KIRREL3: variants seen among roughly 807,000 people sequenced by gnomAD.
KIRREL3 encodes the protein kin of IRRE-like protein 3.
In KIRREL3, 36 loss-of-function variants were observed where a neutral mutation model predicts 89.7. That is an observed-to-expected ratio of 0.40 (90% CI 0.31 to 0.53). The LOEUF (loss-of-function observed/expected upper bound fraction) is 0.53. Among genes scored for constraint, KIRREL3 ranks in the 20% least tolerant of loss-of-function variants. KIRREL3 has a pLI of 0.49. For synonymous variants in KIRREL3, 445 were observed against 441.4 expected (o/e 1.01, Z -0.10); for missense variants, 864 against 1,056.6 (o/e 0.82, Z 2.53).
chr11:126,451,909 C>T (rs1956190192), intron 7 of KIRREL3, among the ~76,000 whole-genome samples: 3 of 152,230 alleles, frequency 2.0e-5, no homozygotes, highest in African/African-American at 7.2e-5. Context: ...AGGCTTGTTG[C>T]CTCCAGAAGC....
At position 126,716,458 on chromosome 11, in the gene KIRREL3, T is replaced by A. The variant is rs1024585161; in HGVS notation, c.56-153546A>T. On this transcript the variant is annotated intron_variant, in intron 1 of 16. Transcript: ENST00000525144. ...CCACAGCGTTGAGGCTGTAGGGAGGTTAGGATTGGAGCTCAGGGGACAAAG... is the reference window on the plus strand; with the variant it reads ...CCACAGCGTTGAGGCTGTAGGGAGGATAGGATTGGAGCTCAGGGGACAAAG... Among the ~76,000 whole-genome samples, 6 of 151,862 alleles carry A rather than the reference T, an allele frequency of 4.0e-5. No homozygotes were observed. In the South Asian group the frequency reaches 1.3e-3, roughly 32 times the overall value.
intron 1 of KIRREL3, among the ~76,000 whole-genome samples, chr11:126,869,180 G>T (rs1347210449): frequency 1.5e-5 from 2 of 136,852 alleles, no homozygotes; most frequent in Admixed American, 7.9e-5. Context: ...TTTTCTCCTA[G>T]CAGGACATGG....
rs1461410429 is a variant in KIRREL3, at chr11:126,430,894, G to A, written c.1696+525C>T. 1 of 822,090 alleles carries A rather than the reference G, an allele frequency of 1.2e-6. No individual in the cohort carries two copies. The highest frequency in any genetic ancestry group is 1.1e-4 in the East Asian group (1 of 8,826). 50.9% of individuals were successfully genotyped at this position (822,090 alleles called of 1,614,324 possible). The stretch of plus-strand genomic sequence containing the variant: ...CTCCTCGGTGCACGCAATTCTTCAA[G>A]CGTGCACAAACACTAGAATTTTATT... On this transcript the variant is annotated intron_variant, in intron 14 of 16. Coordinates refer to ENST00000525144, the MANE Select transcript of KIRREL3 (RefSeq NM_032531.4). The surrounding 1 kb of genome is among the most constrained non-coding windows in gnomAD (Gnocchi z 6.6).
chr11:126,925,109 G>T (rs1043580385), intron 1 of KIRREL3, among the ~76,000 whole-genome samples: 3 of 143,870 alleles, frequency 2.1e-5, no homozygotes, highest in South Asian at 2.3e-4. Flanking sequence ...GGGGGGGGGG[G>T]GGGCTGTTGG....
At chr11:126,859,243 G>A (rs1382176167) in intron 1 of KIRREL3, among the ~76,000 whole-genome samples, 1 of 152,156 alleles carries the variant, frequency 6.6e-6, no homozygotes, top group Non-Finnish European at 1.5e-5. Flanking sequence ...GATAATGAAA[G>A]CAAATATGGA....
chr11:126,542,599 T>C (rs1157098181), intron 2 of KIRREL3, among the ~76,000 whole-genome samples: 1 of 152,236 alleles, frequency 6.6e-6, no homozygotes, highest in African/African-American at 2.4e-5. Context: ...CCTCTGGGAC[T>C]GGCCCAAAGC....
chr11:126,730,325 A>C (rs569023306), intron 1 of KIRREL3, among the ~76,000 whole-genome samples: 1 of 152,244 alleles, frequency 6.6e-6, no homozygotes, highest in East Asian at 1.9e-4. Context: ...CTGCACCATC[A>C]ACATCCCCTA....
intron 1 of KIRREL3, among the ~76,000 whole-genome samples, chr11:126,932,653 G>T (rs1222077900): frequency 1.3e-5 from 2 of 152,208 alleles, no homozygotes; most frequent in African/African-American, 4.8e-5. Context: ...ATGTGCTTCT[G>T]CTGTGAGTCC....
Position 126,432,911 on chromosome 11 carries a change from CTG to C in KIRREL3, c.1589-1387_1589-1386del, listed in dbSNP as rs1188597774. Among the ~76,000 whole-genome samples, 1 of 152,170 alleles carries C rather than the reference CTG, an allele frequency of 6.6e-6. No individual in the cohort carries two copies. Among genetic ancestry groups the C allele is most frequent in the Non-Finnish European group, 1.5e-5 (1 of 68,036 alleles). ...CTTTTATTTTTGGGATGGAGTCTGG[CTG>C]TGACACCCAGGCTGGAGGGCAGTGG... On this transcript the variant is annotated intron_variant, in intron 13 of 16. Transcript: ENST00000525144. This position sits in a 1 kb window ranked among gnomAD's most constrained non-coding sequence, Gnocchi z 6.2.
At position 126,906,648 on chromosome 11, in the gene KIRREL3, T is replaced by C. The variant is rs1198175162; in HGVS notation, c.55+93807A>G. Among the ~76,000 whole-genome samples, 1 of 152,158 alleles carries C rather than the reference T, an allele frequency of 6.6e-6. No individual in the cohort carries two copies. Among genetic ancestry groups the C allele is most frequent in the Non-Finnish European group, 1.5e-5 (1 of 68,028 alleles). On this transcript the variant is annotated intron_variant, in intron 1 of 16. Transcript: ENST00000525144. The surrounding 1 kb of genome is among the most constrained non-coding windows in gnomAD (Gnocchi z 4.1). ...TTTTTTAGCATGTATGGGAACATTA[T>C]ATTCACCAAAAATCAGGACTAGCAT...
rs925876204 is a variant in KIRREL3 at position 126,687,391 on chromosome 11, T to C, written c.56-124479A>G. Among the ~76,000 whole-genome samples the C allele has an allele frequency of 1.3e-5, 2 of 152,040 alleles. No individual in the cohort carries two copies. The highest frequency in any genetic ancestry group is 2.9e-5 in the Non-Finnish European group (2 of 68,030). On this transcript the variant is annotated intron_variant, in intron 1 of 16. Transcript: ENST00000525144. This position sits in a 1 kb window ranked among gnomAD's most constrained non-coding sequence, Gnocchi z 4.6. ...TTACCTAGCCCAGAGTTTTAAAAAATTTATATTTTTAACCTTGATACCCAA... is the reference window on the plus strand; with the variant it reads ...TTACCTAGCCCAGAGTTTTAAAAAACTTATATTTTTAACCTTGATACCCAA...
In KIRREL3 at chr11:126,755,178, GT is replaced by G. The variant is rs2134253214; in HGVS notation, c.56-192267del. ...AAATTAGTAGTAAGTCAATAAGTCT[GT>G]GGCCCAAAGGTAGGGCATTAAGTAA... On this transcript the variant is annotated intron_variant, in intron 1 of 16. Coordinates refer to ENST00000525144, the MANE Select transcript of KIRREL3 (RefSeq NM_032531.4). The surrounding 1 kb of genome is among the most constrained non-coding windows in gnomAD (Gnocchi z 4.3). 6.6e-6 allele frequency among the ~76,000 whole-genome samples: 1 copy of G among 152,320 alleles called. No homozygotes were observed. The highest frequency in any genetic ancestry group is 6.5e-5 in the Admixed American group (1 of 15,300).
chr11:126,560,429 G>A (rs1940032954), intron 2 of KIRREL3, among the ~76,000 whole-genome samples: 1 of 152,178 alleles, frequency 6.6e-6, no homozygotes, highest in South Asian at 2.1e-4. Flanking sequence ...TCTTTGAATA[G>A]CATTTTCTTT....
intron 1 of KIRREL3, among the ~76,000 whole-genome samples, chr11:126,884,751 G>C (rs1406781838): frequency 6.6e-6 from 1 of 151,878 alleles, no homozygotes; most frequent in East Asian, 1.9e-4. Flanking sequence ...CCAAGATTGT[G>C]GAAGTTCTCA....
rs1032957452 is a variant in KIRREL3, at chr11:126,687,070, G to A, written c.56-124158C>T. On this transcript the variant is annotated intron_variant, in intron 1 of 16. Transcript: ENST00000525144. The surrounding 1 kb of genome is among the most constrained non-coding windows in gnomAD (Gnocchi z 4.6). ...AGGTGAGGTTGCAAGTGTGGTTGGG[G>A]CCAAGACCACAACACGTGTTCAAGG... Among the ~76,000 whole-genome samples, 1 of 152,132 alleles carries A rather than the reference G, an allele frequency of 6.6e-6. No homozygotes were observed. The highest frequency in any genetic ancestry group is 2.4e-5 in the African/African-American group (1 of 41,408).
At chr11:126,899,181 A>G (rs1369070552) in intron 1 of KIRREL3, among the ~76,000 whole-genome samples, 1 of 152,090 alleles carries the variant, frequency 6.6e-6, no homozygotes, top group East Asian at 1.9e-4. Flanking sequence ...ATATATATAT[A>G]TATGTTTCTC....
chr11:126,649,738 A>G (rs1251051841), intron 1 of KIRREL3, among the ~76,000 whole-genome samples: 5 of 152,084 alleles, frequency 3.3e-5, no homozygotes, highest in Non-Finnish European at 5.9e-5. Flanking sequence ...CTTCCAGGTG[A>G]ACGGTGCAAG....
In KIRREL3 at chr11:126,772,595, G is replaced by A. The variant is rs1950051519; in HGVS notation, c.56-209683C>T. On this transcript the variant is annotated intron_variant, in intron 1 of 16. Transcript: ENST00000525144. This position sits in a 1 kb window ranked among gnomAD's most constrained non-coding sequence, Gnocchi z 4.6. ...GGGCAGATGAGCAGAATCAACGTGG[G>A]CAGGAAAGAGCAAAGGCAAGTGACA... Among the ~76,000 whole-genome samples, 1 of 152,204 alleles carries A rather than the reference G, an allele frequency of 6.6e-6. No homozygotes were observed. Among genetic ancestry groups the A allele is most frequent in the Admixed American group, 6.5e-5 (1 of 15,276 alleles).
intron 9 of KIRREL3, among the ~76,000 whole-genome samples, chr11:126,445,903 C>G (rs1955777649): frequency 6.6e-6 from 1 of 152,184 alleles, no homozygotes; most frequent in Non-Finnish European, 1.5e-5. Context: ...AATCCCAGCA[C>G]TTTGGGAGGC....
Sources: gnomAD v4.1 joint callset for allele counts (sites outside exome capture counted in the v4.1 genomes callset) on GRCh38, gnomAD v4.1.1 for gene constraint, Gnocchi (gnomAD v3.1) non-coding constraint, MANE v1.5 for transcripts, NCBI Gene and HGNC (gene_info 2026-07-23, HGNC 2026-07-21) for gene names.